The following CLSTN2 variants were observed in gnomAD, a reference collection of about 807,000 sequenced individuals.
CLSTN2 encodes calsyntenin 2, also known as calsyntenin-2.
CLSTN2 carries 48 observed loss-of-function variants against 101.2 expected under a neutral mutation model. The ratio of observed to expected loss-of-function variants is 0.47; its 90% confidence interval spans 0.38 to 0.60. The LOEUF is 0.60. CLSTN2 is among the 20% of genes least tolerant of loss of function. The pLI, the probability that CLSTN2 is intolerant of heterozygous loss-of-function variation, is 0.00. For missense variants in CLSTN2, 1,160 were observed against 1,238.2 expected (o/e 0.94, Z 0.95); for synonymous variants, 481 against 463.6 (o/e 1.04, Z -0.48).
intron 1 of CLSTN2, among the ~76,000 whole-genome samples, chr3:140,109,990 T>G (rs1384645972): frequency 2.0e-5 from 3 of 152,106 alleles, no homozygotes; most frequent in African/African-American, 7.2e-5. Flanking sequence ...GTGCCAGCCC[T>G]CATCAGCCTT....
At chr3:140,448,760 C>CA in intron 6 of CLSTN2, 56 bp downstream of exon 6, 2 of 1,421,520 alleles carry the variant, frequency 1.4e-6, no homozygotes, top group Non-Finnish European at 9.8e-7. Flanking sequence ...TGATGTATAC[C>CA]AAAAAAGCAT....
intron 2 of CLSTN2, among the ~76,000 whole-genome samples, chr3:140,211,439 ATAT>A (rs1347735335): frequency 1.2e-5 from 1 of 81,318 alleles, no homozygotes; most frequent in Admixed American, 1.6e-4. Flanking sequence ...ATATATATAT[ATAT>A]TATTTATCAA....
At chr3:140,483,098 C>T (rs141820007) in intron 8 of CLSTN2, among the ~76,000 whole-genome samples, 12,072 of 152,166 alleles carry the variant, frequency 0.079, 635 homozygotes, top group Non-Finnish European at 0.11. Flanking sequence ...AAATTTCCCT[C>T]TACACACTGC....
At chr3:140,052,694 C>A (rs1478224886) in intron 1 of CLSTN2, among the ~76,000 whole-genome samples, 4 of 152,162 alleles carry the variant, frequency 2.6e-5, no homozygotes, top group African/African-American at 9.7e-5. Context: ...TCTTTTGAAG[C>A]GTAGCCCTTT....
intron 2 of CLSTN2, among the ~76,000 whole-genome samples, chr3:140,205,573 A>G (rs2010770045): frequency 6.7e-6 from 1 of 148,450 alleles, no homozygotes; most frequent in South Asian, 2.2e-4. Context: ...CAGAGGAGGT[A>G]AGGAGGATTG....
chr3:140,174,578 G>C (rs528335325), intron 1 of CLSTN2, among the ~76,000 whole-genome samples: 28 of 152,176 alleles, frequency 1.8e-4, no homozygotes, highest in Middle Eastern at 3.4e-3. Flanking sequence ...CCCCAGACTG[G>C]GCAATTTACA....
chr3:140,490,129 C>T lies in CLSTN2; in HGVS notation c.1344+23398C>T, dbSNP rs866743215. 6.8e-4 allele frequency among the ~76,000 whole-genome samples: 19 copies of T among 27,894 alleles called. 2 individuals are homozygous for T. The highest frequency in any genetic ancestry group is 2.8e-3 in the Admixed American group (5 of 1,812). 18.3% of individuals were successfully genotyped at this position (27,894 alleles called of 152,430 possible). ...ATATATATATATATACACACACACACACACACACACACACACACACACACA... is the reference window on the plus strand; with the variant it reads ...ATATATATATATATACACACACACATACACACACACACACACACACACACA... On this transcript the variant is annotated intron_variant, in intron 8 of 16. Coordinates refer to ENST00000458420, the MANE Select transcript of CLSTN2 (RefSeq NM_022131.3).
intron 2 of CLSTN2, among the ~76,000 whole-genome samples, chr3:140,353,388 G>A (rs946264357): frequency 2.6e-5 from 4 of 152,112 alleles, no homozygotes; most frequent in Admixed American, 6.5e-5. Context: ...GTTCCAGGGC[G>A]TGAAGCATCC....
At position 140,448,543 on chromosome 3, in the gene CLSTN2, A is replaced by G; in HGVS notation, c.812A>G (p.Gln271Arg). The change falls in exon 6 of 17, where the codon CAG becomes CGG. Residue 271 changes from glutamine to arginine, a missense_variant. By Grantham distance (43) the Gln-to-Arg change is conservative (BLOSUM62 1). Transcript: ENST00000458420. ...WQDWTKRIEY[Q>R]PGSGSMPLFP... ...GACTGGACCAAGAGGATTGAGTACC[A>G]GCCTGGCTCCGGGAGCATGCCCCTG... 6.2e-7 allele frequency: 1 copy of G among 1,614,066 alleles called. No individual in the cohort carries two copies. Among genetic ancestry groups the G allele is most frequent in the Non-Finnish European group, 8.5e-7 (1 of 1,179,982 alleles).
chr3:140,433,341 A>C (rs1351866388), intron 5 of CLSTN2, among the ~76,000 whole-genome samples: 1 of 152,190 alleles, frequency 6.6e-6, no homozygotes, highest in Admixed American at 6.5e-5. Context: ...ATGACCTCTC[A>C]GGCACCATAA....
At chr3:140,253,517 C>G (rs1228919469) in intron 2 of CLSTN2, among the ~76,000 whole-genome samples, 1 of 152,204 alleles carries the variant, frequency 6.6e-6, no homozygotes, top group Non-Finnish European at 1.5e-5. Context: ...AACCCAAAAA[C>G]AGCACAGTGC....
At chr3:140,107,605 C>A (rs1005749744) in intron 1 of CLSTN2, among the ~76,000 whole-genome samples, 1 of 152,124 alleles carries the variant, frequency 6.6e-6, no homozygotes, top group African/African-American at 2.4e-5. Flanking sequence ...TGTATCTAAA[C>A]CCTGCCAGCT....
intron 9 of CLSTN2, among the ~76,000 whole-genome samples, chr3:140,536,114 T>G (rs1935353770): frequency 6.6e-6 from 1 of 152,120 alleles, no homozygotes. Flanking sequence ...GTTTCAGCTT[T>G]GGGGTTAAAA....
intron 2 of CLSTN2, among the ~76,000 whole-genome samples, chr3:140,367,242 C>A (rs1189070128): frequency 6.6e-6 from 1 of 151,900 alleles, no homozygotes; most frequent in South Asian, 2.1e-4. Context: ...AGAAGCAATG[C>A]GGTGGCTCAC....
intron 1 of CLSTN2, among the ~76,000 whole-genome samples, chr3:140,049,352 G>C (rs2007943242): frequency 6.6e-6 from 1 of 152,154 alleles, no homozygotes; most frequent in Non-Finnish European, 1.5e-5. Context: ...AAAAATCAAA[G>C]TGTGATAAAC....
chr3:140,301,497 G>A (rs780688133), intron 2 of CLSTN2, among the ~76,000 whole-genome samples: 1 of 152,140 alleles, frequency 6.6e-6, no homozygotes, highest in African/African-American at 2.4e-5. Context: ...TTTGCTCTGT[G>A]GCGAGATTAT....
chr3:140,559,081 C>T (rs762170398), intron 12 of CLSTN2, among the ~76,000 whole-genome samples: 6 of 151,236 alleles, frequency 4.0e-5, no homozygotes, highest in East Asian at 3.9e-4. Context: ...TTGGAGGGAA[C>T]GCATTTGTGC....
chr3:140,532,191 T>C (rs148084950), intron 8 of CLSTN2, 133 bp from the exon 9 acceptor site: 47 of 599,852 alleles, frequency 7.8e-5, no homozygotes, highest in Non-Finnish European at 1.2e-4. Flanking sequence ...TGTCAACTGT[T>C]ATATTCCTTG....
In CLSTN2 at chr3:139,942,490, G is replaced by T. The variant is rs181144767; in HGVS notation, c.109+7007G>T. On this transcript the variant is annotated intron_variant, in intron 1 of 16. Coordinates refer to ENST00000458420, the MANE Select transcript of CLSTN2 (RefSeq NM_022131.3). Reference sequence around the variant, plus strand: ...CTCTTCTGACTCCGTTTTAGGCCAGGATACATACTTTTAAACATATTAGGT... The same window carrying T: ...CTCTTCTGACTCCGTTTTAGGCCAGTATACATACTTTTAAACATATTAGGT... Among the ~76,000 whole-genome samples the T allele has an allele frequency of 2.6e-3, 398 of 152,226 alleles. 3 individuals are homozygous for T. Among genetic ancestry groups the T allele is most frequent in the African/African-American group, 8.9e-3 (369 of 41,532 alleles).
Sources: allele counts gnomAD v4.1 joint callset (sites outside exome capture counted in the v4.1 genomes callset), GRCh38; gene constraint gnomAD v4.1.1; transcripts MANE v1.5; gene names NCBI Gene and HGNC (gene_info 2026-07-23, HGNC 2026-07-21).